The following RAD51B variants were observed in gnomAD, a reference collection of about 807,000 sequenced individuals.
RAD51B encodes RAD51 paralog B, also known as DNA repair protein RAD51 homolog 2.
A neutral mutation model predicts 42.2 loss-of-function variants in RAD51B; 38 were observed. The ratio of observed to expected loss-of-function variants is 0.90; its 90% confidence interval spans 0.70 to 1.18. The LOEUF is 1.18. RAD51B is among the 50% of genes most tolerant of loss of function. The pLI, the probability that RAD51B is intolerant of heterozygous loss-of-function variation, is 0.00. For synonymous variants in RAD51B, 154 were observed against 145.2 expected, an observed-to-expected ratio of 1.06 and a Z score of -0.43; for missense variants, 373 against 400.7, an observed-to-expected ratio of 0.93 and a Z score of 0.59.
At chr14:67,927,639 C>A (rs1380238824) in intron 7 of RAD51B, among the ~76,000 whole-genome samples, 3 of 152,004 alleles carry the variant, frequency 2.0e-5, no homozygotes, top group African/African-American at 4.8e-5. Flanking sequence ...ACGTCCAATT[C>A]CATCCATGTC....
At chr14:68,083,059 G>A (rs2076935997) in intron 7 of RAD51B, among the ~76,000 whole-genome samples, 1 of 152,170 alleles carries the variant, frequency 6.6e-6, no homozygotes, top group Admixed American at 6.5e-5. Flanking sequence ...TTTAACCTGT[G>A]ATTTCAGTTA....
At chr14:68,247,470 A>G (rs1209435952) in intron 7 of RAD51B, among the ~76,000 whole-genome samples, 1 of 152,232 alleles carries the variant, frequency 6.6e-6, no homozygotes, top group East Asian at 1.9e-4. Context: ...TAGTTAGTGC[A>G]GGAACGGAAA....
chr14:68,410,283 C>T (rs2084382192), intron 8 of RAD51B, among the ~76,000 whole-genome samples: 1 of 152,080 alleles, frequency 6.6e-6, no homozygotes, highest in Non-Finnish European at 1.5e-5. Flanking sequence ...GTTAGTAGAC[C>T]ACCCTGAAAG....
intron 7 of RAD51B, among the ~76,000 whole-genome samples, chr14:67,956,417 G>T (rs2074547755): frequency 6.6e-6 from 1 of 152,140 alleles, no homozygotes. Flanking sequence ...AACCTGGGAG[G>T]TAGAGATTGC....
chr14:68,154,400 AT>A (rs2078455708), intron 7 of RAD51B, among the ~76,000 whole-genome samples: 1 of 152,206 alleles, frequency 6.6e-6, no homozygotes, highest in Non-Finnish European at 1.5e-5. Context: ...AATAGGCATT[AT>A]TCTTGGTCCT....
At chr14:68,007,542 A>T (rs1181850570) in intron 7 of RAD51B, among the ~76,000 whole-genome samples, 1 of 152,066 alleles carries the variant, frequency 6.6e-6, no homozygotes, top group Non-Finnish European at 1.5e-5. Flanking sequence ...AAAAAAAATT[A>T]TACCTGCTAT....
At chr14:68,583,905 C>G (rs1218571640) in intron 10 of RAD51B, among the ~76,000 whole-genome samples, 1 of 152,162 alleles carries the variant, frequency 6.6e-6, no homozygotes, top group Non-Finnish European at 1.5e-5. Context: ...GACACTTCAC[C>G]CACGGCTGGA....
At chr14:67,959,569 G>A (rs79635474) in intron 7 of RAD51B, among the ~76,000 whole-genome samples, 9,097 of 152,044 alleles carry the variant, frequency 0.06, 641 homozygotes, top group African/African-American at 0.17. Context: ...TGAAATTTAT[G>A]TTAGCCTTGA....
At position 67,900,948 on chromosome 14, in the gene RAD51B, A is replaced by T. The variant is rs1325486921; in HGVS notation, c.756+13744A>T. Among the ~76,000 whole-genome samples, 7 of 152,168 alleles carry T rather than the reference A, an allele frequency of 4.6e-5. No homozygotes were observed. In the South Asian group the frequency reaches 1.0e-3, roughly 23 times the overall value. ...AGTCTGCTTAGTCCCTAGTTCAGCT[A>T]GGTCCAAGTTTTTGTCTCATGACCA... On this transcript the variant is annotated intron_variant, in intron 7 of 10. Coordinates refer to ENST00000471583, the MANE Select transcript of RAD51B (RefSeq NM_133510.4).
chr14:68,360,533 A>T (rs994258283), intron 8 of RAD51B, among the ~76,000 whole-genome samples: 1 of 152,230 alleles, frequency 6.6e-6, no homozygotes, highest in African/African-American at 2.4e-5. Context: ...GGCATGTGCC[A>T]TGTACTAGGT....
chr14:68,491,954 C>T (rs1442269746), intron 10 of RAD51B, among the ~76,000 whole-genome samples: 3 of 152,206 alleles, frequency 2.0e-5, no homozygotes, highest in South Asian at 2.1e-4. Context: ...AAAGCCCCAC[C>T]GATTCCAGCG....
chr14:68,220,158 A>G (rs1249151412), intron 7 of RAD51B, among the ~76,000 whole-genome samples: 2 of 152,224 alleles, frequency 1.3e-5, no homozygotes, highest in Admixed American at 6.5e-5. Context: ...TTAAAACTGA[A>G]CAAAGCCTCC....
At chr14:68,431,180 G>T (rs1042551258) in intron 9 of RAD51B, among the ~76,000 whole-genome samples, 1 of 152,010 alleles carries the variant, frequency 6.6e-6, no homozygotes. Flanking sequence ...TTTTTGCATC[G>T]ATGTTCATCA....
At chr14:67,963,998 A>T (rs537812230) in intron 7 of RAD51B, among the ~76,000 whole-genome samples, 1 of 152,134 alleles carries the variant, frequency 6.6e-6, no homozygotes, top group East Asian at 1.9e-4. Flanking sequence ...AACTAACGTC[A>T]TACAGCCAAC....
chr14:68,638,272 G>A (rs1478117389), intron 10 of RAD51B, among the ~76,000 whole-genome samples: 1 of 152,192 alleles, frequency 6.6e-6, no homozygotes, highest in African/African-American at 2.4e-5. Context: ...TATTAGGAGT[G>A]GGTGGGGACC....
At chr14:68,106,790 A>G (rs893300100) in intron 7 of RAD51B, among the ~76,000 whole-genome samples, 1 of 151,902 alleles carries the variant, frequency 6.6e-6, no homozygotes, top group East Asian at 1.9e-4. Context: ...TTAGACTTTT[A>G]AAAAACTCAT....
At chr14:68,267,713 A>G (rs2081020369) in intron 7 of RAD51B, among the ~76,000 whole-genome samples, 1 of 152,224 alleles carries the variant, frequency 6.6e-6, no homozygotes, top group Admixed American at 6.5e-5. Context: ...ATGTCTCTCT[A>G]GCTCACAATA....
intron 2 of RAD51B, 150 bp from the exon 3 acceptor site, chr14:67,825,314 G>T: frequency 1.9e-6 from 1 of 535,756 alleles, no homozygotes; most frequent in Non-Finnish European, 3.2e-6. Context: ...GCATATTTAT[G>T]GGGAAAATAC....
chr14:68,336,841 CTTTG>C (rs1304997258), intron 8 of RAD51B, among the ~76,000 whole-genome samples: 1 of 152,158 alleles, frequency 6.6e-6, no homozygotes, highest in Non-Finnish European at 1.5e-5. Flanking sequence ...CTAACCATTT[CTTTG>C]TTTGTCCCCA....
Sources: allele counts gnomAD v4.1 joint callset (sites outside exome capture counted in the v4.1 genomes callset), GRCh38; gene constraint gnomAD v4.1.1; transcripts MANE v1.5; gene names NCBI Gene and HGNC (gene_info 2026-07-23, HGNC 2026-07-21).